The following ERG variants were observed in gnomAD, a reference collection of about 807,000 sequenced individuals.
The protein encoded by ERG is ETS transcription factor ERG, also known as transcriptional regulator ERG.
Under a neutral mutation model 55.3 loss-of-function variants are expected in ERG, and 9 were observed. The observed-to-expected ratio is 0.16, with a 90% CI of 0.10 to 0.28. The LOEUF is 0.28. Ranked by LOEUF, ERG falls within the 10% of genes least tolerant of loss-of-function variation. The pLI, the probability that ERG is intolerant of heterozygous loss-of-function variation, is 1.00. For synonymous variants in ERG, 223 were observed against 237.3 expected (o/e 0.94, Z 0.55); for missense variants, 434 against 631.6 (o/e 0.69, Z 3.35).
intron 1 of ERG, among the ~76,000 whole-genome samples, chr21:38,469,403 T>G (rs2059120944): frequency 6.6e-6 from 1 of 152,204 alleles, no homozygotes; most frequent in Non-Finnish European, 1.5e-5. Context: ...GGATGCAAAC[T>G]TCACAGAAAC....
upstream of ERG, among the ~76,000 whole-genome samples, chr21:38,499,612 C>T (rs1282419279): frequency 6.6e-6 from 1 of 151,996 alleles, no homozygotes; most frequent in Admixed American, 6.6e-5. Flanking sequence ...AGACTTTAGG[C>T]CGGCATGTGT....
chr21:38,597,617 T>C (rs2060140108), intron 1 of ERG, among the ~76,000 whole-genome samples: 1 of 152,134 alleles, frequency 6.6e-6, no homozygotes, highest in Admixed American at 6.5e-5. Context: ...TAGGATGTCC[T>C]GGGAACGAGG....
At chr21:38,369,124 A>G in the ERG span, among the ~76,000 whole-genome samples, 2 of 152,216 alleles carry the variant, frequency 1.3e-5, no homozygotes, top group Non-Finnish European at 2.9e-5. Flanking sequence ...TCCTTTGTGT[A>G]TATACCCAGT....
intron 2 of ERG, among the ~76,000 whole-genome samples, chr21:38,536,516 T>C (rs1300013193): frequency 6.6e-6 from 1 of 152,186 alleles, no homozygotes; most frequent in African/African-American, 2.4e-5. Context: ...TAGCATTTTA[T>C]GCATCCTCTG....
intron 6 of ERG, among the ~76,000 whole-genome samples, chr21:38,397,089 T>C (rs564999909): frequency 6.6e-6 from 1 of 152,124 alleles, no homozygotes; most frequent in East Asian, 1.9e-4. Context: ...GGTACGGGCA[T>C]GCAAGGAAAA....
At chr21:38,402,738 A>AAAAG (rs1170101688) in intron 4 of ERG, 101 bp from the exon 5 acceptor site, 2 of 827,168 alleles carry the variant, frequency 2.4e-6, no homozygotes, top group Non-Finnish European at 3.6e-6. Context: ...AAAAGAAAGA[A>AAAAG]AAAGAAAGAA....
chr21:38,537,655 A>AT (rs2059721356), intron 2 of ERG, among the ~76,000 whole-genome samples: 1 of 152,182 alleles, frequency 6.6e-6, no homozygotes, highest in African/African-American at 2.4e-5. Flanking sequence ...GACTATTACC[A>AT]AAAAATCAGA....
At chr21:38,506,255 T>C (rs1449246599) in intron 2 of ERG, among the ~76,000 whole-genome samples, 1 of 152,214 alleles carries the variant, frequency 6.6e-6, no homozygotes, top group Non-Finnish European at 1.5e-5. Flanking sequence ...TTCCCAAATG[T>C]GAGTTGCATC....
intron 2 of ERG, among the ~76,000 whole-genome samples, chr21:38,556,127 GA>G (rs558448415): frequency 6.0e-5 from 9 of 149,592 alleles, no homozygotes; most frequent in South Asian, 4.2e-4. Context: ...TAGGGACATG[GA>G]AAAAAAAATG....
Position 38,498,185 on chromosome 21 carries a change from C to A in ERG, c.18+178G>T, listed in dbSNP as rs577797867. The stretch of plus-strand genomic sequence containing the variant: ...CTGAGTTTGAAGTTTTTAAGCCTTG[C>A]GGATGGTTGGAGTAGGAAAAAGGAA... On this transcript the variant is annotated intron_variant, in intron 1 of 9. Coordinates refer to ENST00000288319, the MANE Select transcript of ERG (RefSeq NM_182918.4). This position sits in a 1 kb window ranked among gnomAD's most constrained non-coding sequence, Gnocchi z 4.6. Among the ~76,000 whole-genome samples, 1 of 152,058 alleles carries A rather than the reference C, an allele frequency of 6.6e-6. No homozygotes were observed. Among genetic ancestry groups the A allele is most frequent in the South Asian group, 2.1e-4 (1 of 4,826 alleles).
At chr21:38,400,736 A>T (rs1343373614) in intron 5 of ERG, 91 bp from the exon 6 acceptor site, 1 of 977,388 alleles carries the variant, frequency 1.0e-6, no homozygotes, top group East Asian at 2.4e-5. Flanking sequence ...TCCCTATGAC[A>T]ACAAAGGGAA....
intron 1 of ERG, among the ~76,000 whole-genome samples, chr21:38,473,156 G>A (rs1282542632): frequency 2.3e-5 from 2 of 86,976 alleles, no homozygotes; most frequent in Admixed American, 2.9e-4. Flanking sequence ...TGGAGGATGC[G>A]CTCAAAAAAA....
intron 5 of ERG, 47 bp from the exon 6 acceptor site, chr21:38,400,692 T>C: frequency 6.8e-7 from 1 of 1,463,494 alleles, no homozygotes; most frequent in Non-Finnish European, 9.5e-7. Flanking sequence ...TTTGTTGTGG[T>C]TGTCGATCTC....
At chr21:38,446,915 C>A (rs11701207) in intron 1 of ERG, among the ~76,000 whole-genome samples, 13,987 of 152,074 alleles carry the variant, frequency 0.092, 813 homozygotes, top group Non-Finnish European at 0.13. Context: ...CCCTATGATG[C>A]CCTTTGTGAC....
chr21:38,435,010 G>T (rs1395669673), intron 2 of ERG, among the ~76,000 whole-genome samples: 1 of 152,106 alleles, frequency 6.6e-6, no homozygotes, highest in Non-Finnish European at 1.5e-5. Flanking sequence ...TGGTTTATTA[G>T]GTTAGTTCAC....
intron 1 of ERG, among the ~76,000 whole-genome samples, chr21:38,583,976 T>C (rs894477802): frequency 3.9e-5 from 6 of 152,210 alleles, no homozygotes; most frequent in African/African-American, 1.2e-4. Context: ...ATCACCTCTA[T>C]GGAGGGACTT....
At chr21:38,632,583 G>C (rs139764847) in intron 1 of ERG, among the ~76,000 whole-genome samples, 306 of 152,274 alleles carry the variant, frequency 2.0e-3, no homozygotes, top group Non-Finnish European at 3.4e-3. Flanking sequence ...AGATTTGATA[G>C]TTTTATAAAG....
intron 2 of ERG, among the ~76,000 whole-genome samples, chr21:38,552,272 C>T (rs867536467): frequency 2.0e-5 from 3 of 152,268 alleles, no homozygotes; most frequent in South Asian, 4.1e-4. Flanking sequence ...GAGCTACTAC[C>T]AATCCTACTG....
the ERG span, among the ~76,000 whole-genome samples, chr21:38,372,231 A>G: frequency 6.6e-6 from 1 of 151,980 alleles, no homozygotes; most frequent in South Asian, 2.1e-4. Flanking sequence ...TTTTTAAAGT[A>G]CTCTCACTAA....
Sources: gnomAD v4.1 joint callset for allele counts (sites outside exome capture counted in the v4.1 genomes callset) on GRCh38, gnomAD v4.1.1 for gene constraint, Gnocchi (gnomAD v3.1) non-coding constraint, MANE v1.5 for transcripts, NCBI Gene and HGNC (gene_info 2026-07-23, HGNC 2026-07-21) for gene names.